Variants in CPB2 observed in about 807,000 individuals in gnomAD.
CPB2 encodes the protein carboxypeptidase B-like protein.
A neutral mutation model predicts 57.0 loss-of-function variants in CPB2; 54 were observed. The observed-to-expected ratio is 0.95, with a 90% CI of 0.76 to 1.19. The LOEUF is 1.19. Among genes scored for constraint, CPB2 ranks in the 50% most tolerant of loss-of-function variants. CPB2 has a pLI of 0.00. For synonymous variants in CPB2, 189 were observed against 178.1 expected, an observed-to-expected ratio of 1.06 and a Z score of -0.49; for missense variants, 426 against 512.0, an observed-to-expected ratio of 0.83 and a Z score of 1.62.
At chr13:46,090,362 CTTTT>C (rs11458090) in intron 1 of CPB2, among the ~76,000 whole-genome samples, 2 of 125,802 alleles carry the variant, frequency 1.6e-5, no homozygotes, top group Admixed American at 8.3e-5. Context: ...TTTGTCTATT[CTTTT>C]TTTTTTTTTT....
At chr13:46,068,127 T>C (rs1056506244) in intron 6 of CPB2, among the ~76,000 whole-genome samples, 1 of 152,210 alleles carries the variant, frequency 6.6e-6, no homozygotes, top group Non-Finnish European at 1.5e-5. Flanking sequence ...GTCAAATCGT[T>C]TCATCTAGGA....
At chr13:46,088,038 G>C (rs747647245) in intron 1 of CPB2, among the ~76,000 whole-genome samples, 4 of 152,122 alleles carry the variant, frequency 2.6e-5, no homozygotes, top group Admixed American at 2.0e-4. Flanking sequence ...CTCTTGACTG[G>C]GGGTCAGTTT....
intron 7 of CPB2, among the ~76,000 whole-genome samples, chr13:46,065,445 T>TTTAGTA: frequency 6.6e-6 from 1 of 151,706 alleles, no homozygotes; most frequent in Non-Finnish European, 1.5e-5. Context: ...GCTAACACGG[T>TTTAGTA]GAAACCCCAT....
chr13:46,069,157 C>T (rs558765092), intron 6 of CPB2, among the ~76,000 whole-genome samples: 2 of 152,152 alleles, frequency 1.3e-5, no homozygotes, highest in South Asian at 2.1e-4. Flanking sequence ...GAGAGATTAC[C>T]GATGTTAGGC....
chr13:46,088,710 A>G lies in CPB2; in HGVS notation c.75-890T>C, dbSNP rs17844186. 8.7e-3 allele frequency among the ~76,000 whole-genome samples: 1,325 copies of G among 152,270 alleles called. 19 individuals carry two copies. The highest frequency in any genetic ancestry group is 0.031 in the African/African-American group (1,278 of 41,554). On this transcript the variant is annotated intron_variant, in intron 1 of 10. Coordinates refer to ENST00000181383, the MANE Select transcript of CPB2 (RefSeq NM_001872.5). ...AACTTTTGCAATCAAATTTTTATGA[A>G]ATGAAATTTTCTTGTGATTTTGATT...
chr13:46,071,887 T>C (rs564785560), intron 6 of CPB2, among the ~76,000 whole-genome samples: 2 of 152,180 alleles, frequency 1.3e-5, no homozygotes, highest in Non-Finnish European at 2.9e-5. Context: ...GCTCTAACTT[T>C]GTGTGCAATT....
chr13:46,076,692 G>A (rs923068784), intron 5 of CPB2, among the ~76,000 whole-genome samples: 1 of 151,858 alleles, frequency 6.6e-6, no homozygotes, highest in Non-Finnish European at 1.5e-5. Context: ...AACAGAATGA[G>A]CAAAGCTGGA....
intron 5 of CPB2, among the ~76,000 whole-genome samples, chr13:46,074,707 C>T (rs1174545983): frequency 6.6e-6 from 1 of 152,104 alleles, no homozygotes; most frequent in African/African-American, 2.4e-5. Flanking sequence ...GGTCCCCAAC[C>T]TTTTTGGCAC....
intron 5 of CPB2, among the ~76,000 whole-genome samples, chr13:46,075,125 A>G (rs780448402): frequency 1.5e-4 from 23 of 152,230 alleles, no homozygotes; most frequent in Admixed American, 5.2e-4. Context: ...AAGAAAAAGA[A>G]AGAGTTAGAT....
intron 5 of CPB2, among the ~76,000 whole-genome samples, chr13:46,074,866 T>G (rs1209609881): frequency 1.3e-5 from 2 of 152,186 alleles, no homozygotes; most frequent in African/African-American, 4.8e-5. Context: ...CTAAATCCTT[T>G]GCATGCGCGG....
At chr13:46,057,808 T>C (rs2044717087) in intron 9 of CPB2, among the ~76,000 whole-genome samples, 1 of 152,176 alleles carries the variant, frequency 6.6e-6, no homozygotes, top group Non-Finnish European at 1.5e-5. Flanking sequence ...TAATCTGTGG[T>C]GTGCTGTTGT....
chr13:46,062,415 A>G (rs1424567603), intron 8 of CPB2, among the ~76,000 whole-genome samples: 1 of 152,148 alleles, frequency 6.6e-6, no homozygotes, highest in African/African-American at 2.4e-5. Flanking sequence ...TGGAAGATGA[A>G]CTATGTCAAT....
At position 46,053,710 on chromosome 13, in the gene CPB2, G is replaced by T. The variant is rs747504135; in HGVS notation, c.1176C>A (p.Tyr392Ter). The change falls in exon 11 of 11, where the codon TAC becomes TAA. Residue 392 changes from tyrosine to a stop codon, truncating the protein, a stop_gained. Transcript: ENST00000181383. LOFTEE classifies it high-confidence loss of function. ...FTIELRDTGT[Y>*]GFLLPERYIK... The stretch of plus-strand genomic sequence containing the variant: ...TGTAACGCTCCGGCAGCAAGAATCC[G>T]TATGTGCCCGTATCTCGAAGTTCAA... The T allele has an allele frequency of 1.8e-5, 29 of 1,614,172 alleles. No homozygotes were observed. Among genetic ancestry groups the T allele is most frequent in the Non-Finnish European group, 2.3e-5 (27 of 1,180,032 alleles).
chr13:46,093,601 G>T (rs1225784373), intron 1 of CPB2, among the ~76,000 whole-genome samples: 1 of 151,322 alleles, frequency 6.6e-6, no homozygotes, highest in Non-Finnish European at 1.5e-5. Flanking sequence ...AGAAAAGCAA[G>T]ATATGGAGAA....
At chr13:46,072,205 A>G (rs1276271762) in intron 6 of CPB2, among the ~76,000 whole-genome samples, 1 of 152,252 alleles carries the variant, frequency 6.6e-6, no homozygotes, top group East Asian at 1.9e-4. Context: ...AGACTAGATT[A>G]TAAGATTTTT....
At chr13:46,059,938 T>C (rs571523254) in intron 8 of CPB2, among the ~76,000 whole-genome samples, 2 of 152,234 alleles carry the variant, frequency 1.3e-5, no homozygotes, top group Non-Finnish European at 2.9e-5. Context: ...AATAAGGTGA[T>C]TGGATAAACC....
At chr13:46,059,189 A>C (rs2044737668) in intron 8 of CPB2, among the ~76,000 whole-genome samples, 1 of 152,220 alleles carries the variant, frequency 6.6e-6, no homozygotes. Context: ...ACCAGCTGAC[A>C]CCTGTGGAGC....
At chr13:46,057,325 G>A (rs2044710557) in intron 9 of CPB2, among the ~76,000 whole-genome samples, 1 of 152,082 alleles carries the variant, frequency 6.6e-6, no homozygotes, top group African/African-American at 2.4e-5. Flanking sequence ...TATTTTCAGA[G>A]AATGCAAATA....
At chr13:46,092,924 T>C (rs1189991747) in intron 1 of CPB2, among the ~76,000 whole-genome samples, 2 of 152,204 alleles carry the variant, frequency 1.3e-5, no homozygotes, top group African/African-American at 4.8e-5. Context: ...TTTGTTTGTT[T>C]GTTTTTGAGA....
Sources: gnomAD v4.1 joint callset for allele counts (sites outside exome capture counted in the v4.1 genomes callset) on GRCh38, gnomAD v4.1.1 for gene constraint, MANE v1.5 for transcripts, NCBI Gene and HGNC (gene_info 2026-07-23, HGNC 2026-07-21) for gene names.